Variants in SPATA13 observed in about 807,000 individuals in gnomAD.
SPATA13 encodes the protein spermatogenesis-associated protein 13.
SPATA13 carries 50 observed loss-of-function variants against 104.0 expected under a neutral mutation model. The ratio of observed to expected loss-of-function variants is 0.48; its 90% CI spans 0.38 to 0.61. SPATA13 has a LOEUF of 0.61. Ranked by LOEUF, SPATA13 falls within the 20% of genes least tolerant of loss-of-function variation. The pLI, the probability that SPATA13 is intolerant of heterozygous loss-of-function variation, is 0.00. For synonymous variants in SPATA13, 606 were observed against 667.5 expected, an observed-to-expected ratio of 0.91 and a Z score of 1.42; for missense variants, 1,524 against 1,690.6, an observed-to-expected ratio of 0.90 and a Z score of 1.73.
Position 24,303,197 on chromosome 13 carries a change from G to C in SPATA13, c.*424G>C. 1.0e-5 allele frequency: 4 copies of C among 398,922 alleles called. 1 individual carries two copies. The highest frequency in any genetic ancestry group is 7.5e-5 in the South Asian group (4 of 53,238). The allele number at this position is 398,922 out of a possible 1,614,324, so 24.7% of individuals were successfully genotyped here. A position where few individuals can be genotyped will look rare whatever the true frequency, so the allele number is the denominator to read the frequency against. On this transcript the variant is annotated 3_prime_UTR_variant, in exon 13 of 13. Transcript: ENST00000382108. ...GATCACTTCTGCATTTGATTTTCAAGGATGCCGTCAAGACGGGGTTGACAC... is the reference window on the plus strand; with the variant it reads ...GATCACTTCTGCATTTGATTTTCAACGATGCCGTCAAGACGGGGTTGACAC...
chr13:24,086,912 G>C (rs1041444593), intron 3 of SPATA13, among the ~76,000 whole-genome samples: 2 of 152,332 alleles, frequency 1.3e-5, no homozygotes, highest in African/African-American at 4.8e-5. Flanking sequence ...GAGGGAACCA[G>C]GAGAAGGCTG....
chr13:24,281,226 C>T (rs905360836), intron 4 of SPATA13, among the ~76,000 whole-genome samples: 20 of 152,198 alleles, frequency 1.3e-4, no homozygotes, highest in African/African-American at 4.3e-4. Flanking sequence ...TGCTTAGGCC[C>T]GGGAATTTAC....
intron 10 of SPATA13, among the ~76,000 whole-genome samples, chr13:24,296,438 G>A (rs1876785529): frequency 6.6e-6 from 1 of 152,166 alleles, no homozygotes; most frequent in African/African-American, 2.4e-5. Flanking sequence ...TATAATAAAA[G>A]TGTGTTTTTC....
chr13:24,007,847 C>T (rs990858361), intron 2 of SPATA13, among the ~76,000 whole-genome samples: 3 of 152,230 alleles, frequency 2.0e-5, no homozygotes, highest in Admixed American at 6.5e-5. Context: ...TGAAATATTA[C>T]ATATACTCAA....
chr13:23,985,067 T>C (rs1301831359), intron 2 of SPATA13, among the ~76,000 whole-genome samples: 6 of 152,216 alleles, frequency 3.9e-5, no homozygotes, highest in Non-Finnish European at 5.9e-5. Flanking sequence ...AGGAACAGAA[T>C]AACCAAACAC....
intron 4 of SPATA13, among the ~76,000 whole-genome samples, chr13:24,277,608 G>A (rs111941012): frequency 0.015 from 2,212 of 152,174 alleles, 59 homozygotes; most frequent in South Asian, 0.11. Context: ...ATCCTGGTTC[G>A]GACCCAGCCC....
chr13:24,177,182 CA>C (rs1215608887), intron 1 of SPATA13, among the ~76,000 whole-genome samples: 13 of 152,300 alleles, frequency 8.5e-5, no homozygotes, highest in African/African-American at 3.1e-4. Flanking sequence ...ATAGTGGACA[CA>C]AACGTTGCTT....
In SPATA13 at chr13:24,274,177, C is replaced by T. The variant is rs188756749; in HGVS notation, c.2165-9958C>T. Reference sequence around the variant, plus strand: ...AGCCAATGCAATCAGAATCCATTGCCTGCAACTTGTGGCTTGCTGCATGGA... The same window carrying T: ...AGCCAATGCAATCAGAATCCATTGCTTGCAACTTGTGGCTTGCTGCATGGA... On this transcript the variant is annotated intron_variant, in intron 4 of 12. Coordinates refer to ENST00000382108, the MANE Select transcript of SPATA13 (RefSeq NM_001166271.3). 1.1e-3 allele frequency among the ~76,000 whole-genome samples: 170 copies of T among 152,292 alleles called. 1 individual carries two copies. The highest frequency in any genetic ancestry group is 3.9e-3 in the African/African-American group (163 of 41,554).
chr13:24,289,221 T>C, intron 8 of SPATA13, 43 bp downstream of exon 8: 1 of 1,539,788 alleles, frequency 6.5e-7, no homozygotes, highest in South Asian at 1.2e-5. Flanking sequence ...TCTGCTTACA[T>C]AATTTTGAAG....
In SPATA13 at chr13:24,287,035, C is replaced by T. The variant is rs575827102; in HGVS notation, c.2667+85C>T. 66 of 1,207,350 alleles carry T rather than the reference C, an allele frequency of 5.5e-5. No individual in the cohort carries two copies. In the East Asian group the frequency reaches 6.1e-4, roughly 11 times the overall value. The allele number at this position is 1,207,350 out of a possible 1,614,324, so 74.8% of individuals were successfully genotyped here. On this transcript the variant is annotated intron_variant, in intron 7 of 12. Coordinates refer to ENST00000382108, the MANE Select transcript of SPATA13 (RefSeq NM_001166271.3). ...GGGCTTTCTCCCCACCTCCACCCCCCGCCCCCCCATCAGGCTCCCACATGT... is the reference window on the plus strand; with the variant it reads ...GGGCTTTCTCCCCACCTCCACCCCCTGCCCCCCCATCAGGCTCCCACATGT...
chr13:24,070,453 C>T (rs997039073), intron 3 of SPATA13, among the ~76,000 whole-genome samples: 1 of 152,104 alleles, frequency 6.6e-6, no homozygotes, highest in African/African-American at 2.4e-5. Flanking sequence ...CTTGGCGTCT[C>T]TGGTGTGTTT....
intron 2 of SPATA13, among the ~76,000 whole-genome samples, chr13:23,987,418 A>G (rs560491321): frequency 2.6e-5 from 4 of 152,322 alleles, no homozygotes; most frequent in South Asian, 4.1e-4. Flanking sequence ...TTCTTTGGAG[A>G]AAAGTTTAAG....
intron 3 of SPATA13, among the ~76,000 whole-genome samples, chr13:24,129,482 G>A (rs1881328850): frequency 6.6e-6 from 1 of 152,208 alleles, no homozygotes; most frequent in Non-Finnish European, 1.5e-5. Context: ...TGGAGTTAGA[G>A]GAGGGGAGAG....
chr13:24,116,838 C>A (rs1880862959), intron 3 of SPATA13, among the ~76,000 whole-genome samples: 1 of 149,816 alleles, frequency 6.7e-6, no homozygotes, highest in African/African-American at 2.4e-5. Context: ...TAGATGAGAT[C>A]ATGAGGGTGG....
At chr13:24,103,645 C>T (rs1203615706) in intron 3 of SPATA13, among the ~76,000 whole-genome samples, 1 of 152,024 alleles carries the variant, frequency 6.6e-6, no homozygotes, top group Non-Finnish European at 1.5e-5. Flanking sequence ...TATATAATTA[C>T]ACACATATAG....
chr13:24,215,111 C>T (rs568818815), intron 1 of SPATA13, among the ~76,000 whole-genome samples: 4 of 152,278 alleles, frequency 2.6e-5, no homozygotes, highest in Admixed American at 6.5e-5. Flanking sequence ...TCTCACAGAT[C>T]GCCTCTGAGA....
chr13:24,121,865 C>T (rs1881040205), intron 3 of SPATA13, among the ~76,000 whole-genome samples: 1 of 152,104 alleles, frequency 6.6e-6, no homozygotes, highest in African/African-American at 2.4e-5. Context: ...CTCCCATCCC[C>T]CTCGATCCCC....
chr13:24,173,123 G>A (rs574788815), intron 1 of SPATA13, among the ~76,000 whole-genome samples: 97 of 152,086 alleles, frequency 6.4e-4, no homozygotes, highest in Non-Finnish European at 1.2e-3. Context: ...CGTCATCCAG[G>A]CTGGAGTGCA....
chr13:24,177,357 G>A (rs1348577704), intron 1 of SPATA13, among the ~76,000 whole-genome samples: 1 of 152,216 alleles, frequency 6.6e-6, no homozygotes, highest in South Asian at 2.1e-4. Flanking sequence ...AGGCTAGGAA[G>A]CCTAAGACAG....
Sources: allele counts gnomAD v4.1 joint callset (sites outside exome capture counted in the v4.1 genomes callset), GRCh38; gene constraint gnomAD v4.1.1; transcripts MANE v1.5; gene names NCBI Gene and HGNC (gene_info 2026-07-23, HGNC 2026-07-21).